The following SOX5 variants were observed in gnomAD, a reference collection of about 807,000 sequenced individuals.
SOX5 encodes transcription factor SOX-5.
In SOX5, 9 loss-of-function variants were observed where a neutral mutation model predicts 92.0. The observed-to-expected ratio is 0.10, with a 90% CI of 0.06 to 0.17. The LOEUF (loss-of-function observed/expected upper bound fraction) is 0.17, where lower values mean the gene tolerates loss of function less well. Ranked by LOEUF, SOX5 falls within the 10% of genes least tolerant of loss-of-function variation. The pLI, the probability that SOX5 is intolerant of heterozygous loss-of-function variation, is 1.00. For synonymous variants in SOX5, 344 were observed against 336.3 expected (o/e 1.02, Z -0.25); for missense variants, 642 against 944.5 (o/e 0.68, Z 4.20).
chr12:24,345,080 G>A (rs17416601), intron 2 of SOX5, among the ~76,000 whole-genome samples: 75 of 152,272 alleles, frequency 4.9e-4, no homozygotes, highest in Non-Finnish European at 1.0e-3. Context: ...TCAAACTGGA[G>A]TGGTCAGTCA....
intron 4 of SOX5, among the ~76,000 whole-genome samples, chr12:24,152,847 GAA>G (rs56797704): frequency 0.26 from 39,210 of 150,440 alleles, 6,151 homozygotes; most frequent in East Asian, 0.8. Context: ...ACTGGCACAG[GAA>G]AAAAAAAAAG....
intron 5 of SOX5, 53 bp downstream of exon 5, chr12:23,740,814 A>T: frequency 6.9e-7 from 1 of 1,450,356 alleles, no homozygotes; most frequent in South Asian, 1.2e-5. Flanking sequence ...ACCTATAAGT[A>T]GCAGGCAAAG....
At chr12:24,556,009 T>C (rs747742393) in intron 1 of SOX5, among the ~76,000 whole-genome samples, 2 of 152,216 alleles carry the variant, frequency 1.3e-5, no homozygotes, top group African/African-American at 2.4e-5. Flanking sequence ...TCTTTCAAGA[T>C]AGGTGACTCT....
At chr12:23,588,245 AAAG>A (rs1951017660) in intron 9 of SOX5, among the ~76,000 whole-genome samples, 2 of 152,022 alleles carry the variant, frequency 1.3e-5, no homozygotes, top group South Asian at 4.1e-4. Flanking sequence ...AAATTCAAAT[AAAG>A]ATGAGAAAAG....
At chr12:23,897,839 A>G (rs1397354398) in intron 1 of SOX5, among the ~76,000 whole-genome samples, 1 of 152,194 alleles carries the variant, frequency 6.6e-6, no homozygotes, top group East Asian at 1.9e-4. Context: ...AGGAGGAAAT[A>G]GGGGCAGCTA....
chr12:24,424,815 G>GT (rs200807275), intron 1 of SOX5, among the ~76,000 whole-genome samples: 2 of 150,568 alleles, frequency 1.3e-5, no homozygotes, highest in East Asian at 2.0e-4. Flanking sequence ...TTTTGGGGGG[G>GT]GGGGATGGCT....
At chr12:24,148,481 C>CAAAAAAAA (rs34951170) in intron 4 of SOX5, among the ~76,000 whole-genome samples, 1 of 53,592 alleles carries the variant, frequency 1.9e-5, no homozygotes, top group African/African-American at 7.9e-5. Flanking sequence ...GGCTCCATGT[C>CAAAAAAAA]AAAAAAAAAA....
chr12:23,761,024 T>C (rs1292365988), intron 3 of SOX5, among the ~76,000 whole-genome samples: 1 of 152,132 alleles, frequency 6.6e-6, no homozygotes, highest in Non-Finnish European at 1.5e-5. Context: ...GATACTTTAA[T>C]TTTGCAGCTT....
chr12:23,917,478 G>C (rs1269803586), intron 1 of SOX5, among the ~76,000 whole-genome samples: 1 of 152,108 alleles, frequency 6.6e-6, no homozygotes, highest in Non-Finnish European at 1.5e-5. Flanking sequence ...GCTTGAGCCG[G>C]GGAGGCAGAG....
chr12:24,243,095 T>C (rs79932635), intron 3 of SOX5, among the ~76,000 whole-genome samples: 15,449 of 152,184 alleles, frequency 0.1, 1,153 homozygotes, highest in Non-Finnish European at 0.15. Flanking sequence ...GGTTTTTGCT[T>C]TCTCCTGAAT....
intron 2 of SOX5, among the ~76,000 whole-genome samples, chr12:24,329,628 G>A (rs1004266086): frequency 2.6e-5 from 4 of 152,156 alleles, no homozygotes; most frequent in African/African-American, 4.8e-5. Flanking sequence ...TTTAAAAGTA[G>A]GTCATGGGAA....
At chr12:23,616,700 G>T (rs10743478) in intron 8 of SOX5, among the ~76,000 whole-genome samples, 1 of 152,044 alleles carries the variant, frequency 6.6e-6, no homozygotes, top group Non-Finnish European at 1.5e-5. Context: ...TGTTATGTCA[G>T]TGGAGCATAA....
chr12:23,754,213 A>AG, intron 4 of SOX5, among the ~76,000 whole-genome samples: 1 of 151,842 alleles, frequency 6.6e-6, no homozygotes, highest in East Asian at 1.9e-4. Context: ...AAAACGAGGG[A>AG]GGGGAAAAAA....
chr12:24,471,611 TG>T (rs1944830338), intron 1 of SOX5, among the ~76,000 whole-genome samples: 1 of 152,076 alleles, frequency 6.6e-6, no homozygotes, highest in Admixed American at 6.6e-5. Flanking sequence ...TAAATGAGGA[TG>T]GGGGAGGAGC....
intron 2 of SOX5, among the ~76,000 whole-genome samples, chr12:24,351,248 A>G (rs951454199): frequency 6.6e-6 from 1 of 152,172 alleles, no homozygotes; most frequent in East Asian, 1.9e-4. Flanking sequence ...AAAACTATAT[A>G]AACTTGCTCA....
chr12:24,127,570 G>A (rs547628308), intron 4 of SOX5, among the ~76,000 whole-genome samples: 16 of 152,176 alleles, frequency 1.1e-4, no homozygotes, highest in East Asian at 1.9e-4. Flanking sequence ...AAGCTTCTCC[G>A]CCACACTTTT....
intron 1 of SOX5, among the ~76,000 whole-genome samples, chr12:24,408,787 A>G (rs1422115155): frequency 1.3e-5 from 2 of 152,196 alleles, no homozygotes; most frequent in Non-Finnish European, 2.9e-5. Flanking sequence ...CACACCGATT[A>G]ATAATTTGGA....
intron 4 of SOX5, among the ~76,000 whole-genome samples, chr12:24,184,545 T>C (rs1594043499): frequency 6.6e-6 from 1 of 152,248 alleles, no homozygotes; most frequent in Non-Finnish European, 1.5e-5. Context: ...CTAAATGTGA[T>C]TTTGAGGTGT....
chr12:23,938,037 G>A (rs1026719754), intron 1 of SOX5, among the ~76,000 whole-genome samples: 1 of 150,562 alleles, frequency 6.6e-6, no homozygotes, highest in East Asian at 2.0e-4. Context: ...TCAAAACACT[G>A]GCACTATGTC....
Sources: gnomAD v4.1 joint callset for allele counts (sites outside exome capture counted in the v4.1 genomes callset) on GRCh38, gnomAD v4.1.1 for gene constraint, MANE v1.5 for transcripts, NCBI Gene and HGNC (gene_info 2026-07-23, HGNC 2026-07-21) for gene names.